The following LONP2 variants were observed in gnomAD, a reference collection of about 807,000 sequenced individuals.
LONP2 encodes lon protease homolog 2, peroxisomal.
In LONP2, 60 loss-of-function variants were observed where a neutral mutation model predicts 85.6. That is an observed-to-expected ratio of 0.70 (90% CI 0.57 to 0.87). The LOEUF (loss-of-function observed/expected upper bound fraction) is 0.87. Among genes scored for constraint, LONP2 ranks in the 40% least tolerant of loss-of-function variants. The probability of loss-of-function intolerance (pLI) is 0.00; values close to 1 mark genes in which losing one functional copy is unlikely to be tolerated. For synonymous variants in LONP2, 395 were observed against 389.7 expected, an observed-to-expected ratio of 1.01 and a Z score of -0.16; for missense variants, 860 against 1,063.5, an observed-to-expected ratio of 0.81 and a Z score of 2.66.
intron 11 of LONP2, among the ~76,000 whole-genome samples, chr16:48,329,516 T>TTGTTG (rs1959368630): frequency 6.6e-6 from 1 of 152,216 alleles, no homozygotes; most frequent in South Asian, 2.1e-4. Flanking sequence ...TGGGTTTATT[T>TTGTTG]TATTAGTATT....
Position 48,340,969 on chromosome 16 carries a change from T to A in LONP2, c.1939-6538T>A, listed in dbSNP as rs140953082. 3.4e-3 allele frequency among the ~76,000 whole-genome samples: 515 copies of A among 151,936 alleles called. 2 individuals carry two copies. Among genetic ancestry groups the A allele is most frequent in the African/African-American group, 0.012 (493 of 41,422 alleles). On this transcript the variant is annotated intron_variant, in intron 12 of 14. Coordinates refer to ENST00000285737, the MANE Select transcript of LONP2 (RefSeq NM_031490.5). The stretch of plus-strand genomic sequence containing the variant: ...GGGTAATTTATAAAGAAAAGAGGTT[T>A]AATTGGCTCACGGTTCTGAAGGTTC...
At chr16:48,291,720 G>A (rs1972560306) in intron 8 of LONP2, among the ~76,000 whole-genome samples, 1 of 152,210 alleles carries the variant, frequency 6.6e-6, no homozygotes, top group South Asian at 2.1e-4. Flanking sequence ...GATGAGGTTT[G>A]ATAGCTACAA....
intron 11 of LONP2, among the ~76,000 whole-genome samples, chr16:48,322,733 A>C (rs191411518): frequency 6.6e-6 from 1 of 152,056 alleles, no homozygotes; most frequent in Non-Finnish European, 1.5e-5. Flanking sequence ...AGAATAAAAA[A>C]TTTTTTTTAA....
chr16:48,299,370 A>G (rs901369522), intron 9 of LONP2, among the ~76,000 whole-genome samples: 2 of 151,868 alleles, frequency 1.3e-5, no homozygotes, highest in African/African-American at 4.8e-5. Flanking sequence ...GGATCACTTG[A>G]GGCCAGGAGT....
chr16:48,338,366 G>T (rs974187038), intron 12 of LONP2, among the ~76,000 whole-genome samples: 2 of 152,166 alleles, frequency 1.3e-5, no homozygotes, highest in Non-Finnish European at 2.9e-5. Context: ...AACAAACAGG[G>T]TGGTACTGAG....
In LONP2 at chr16:48,266,803, A is replaced by G. The variant is rs1294889229; in HGVS notation, c.983-3213A>G. Among the ~76,000 whole-genome samples, 4 of 152,140 alleles carry G rather than the reference A, an allele frequency of 2.6e-5. No individual in the cohort carries two copies. The East Asian group carries it at 7.7e-4, about 29-fold the overall frequency. On this transcript the variant is annotated intron_variant, in intron 6 of 14. Coordinates refer to ENST00000285737, the MANE Select transcript of LONP2 (RefSeq NM_031490.5). ...TTTCAGTTTTTTGGCTATTAAAAAT[A>G]AAGCTGTCTGGGCACAGTGGCTCAT...
At chr16:48,258,065 C>T (rs535392835) in intron 3 of LONP2, among the ~76,000 whole-genome samples, 4 of 152,290 alleles carry the variant, frequency 2.6e-5, no homozygotes, top group South Asian at 4.1e-4. Flanking sequence ...CACACAGCTT[C>T]GGCCGGGCGC....
intron 12 of LONP2, among the ~76,000 whole-genome samples, chr16:48,343,562 G>A (rs1037662938): frequency 6.6e-5 from 10 of 152,088 alleles, no homozygotes; most frequent in African/African-American, 2.4e-4. Flanking sequence ...GCCGGGCATG[G>A]TGACGCACAC....
Position 48,356,719 on chromosome 16 carries a change from T to C in LONP2, c.*4917T>C. 1 of 348,468 alleles carries C rather than the reference T, an allele frequency of 2.9e-6. No individual in the cohort carries two copies. Among genetic ancestry groups the C allele is most frequent in the South Asian group, 2.2e-5 (1 of 44,892 alleles). 21.6% of individuals were successfully genotyped at this position (348,468 alleles called of 1,614,324 possible). ...GACAACAGGCAAATATGGTGAGTGG[T>C]CATTGAGATGTTTTAAAAGTTACAG... On this transcript the variant is annotated 3_prime_UTR_variant, in exon 15 of 15. Coordinates refer to ENST00000285737, the MANE Select transcript of LONP2 (RefSeq NM_031490.5).
intron 11 of LONP2, among the ~76,000 whole-genome samples, chr16:48,330,542 G>C (rs887212325): frequency 1.3e-5 from 2 of 152,146 alleles, no homozygotes; most frequent in Non-Finnish European, 2.9e-5. Flanking sequence ...ATATAACCGG[G>C]GGTTCGTTCC....
At chr16:48,310,551 C>T (rs1420402620) in intron 11 of LONP2, among the ~76,000 whole-genome samples, 2 of 152,044 alleles carry the variant, frequency 1.3e-5, no homozygotes, top group Non-Finnish European at 2.9e-5. Context: ...GGGATTTTGT[C>T]ACGTTGGCCA....
intron 1 of LONP2, among the ~76,000 whole-genome samples, chr16:48,245,931 G>T (rs1971356314): frequency 6.6e-6 from 1 of 152,092 alleles, no homozygotes; most frequent in African/African-American, 2.4e-5. Flanking sequence ...TGTGTTTTCA[G>T]TTTAGAGCTT....
intron 1 of LONP2, among the ~76,000 whole-genome samples, chr16:48,245,375 T>G (rs763441391): frequency 5.3e-5 from 8 of 152,194 alleles, no homozygotes; most frequent in Non-Finnish European, 1.0e-4. Flanking sequence ...AACCTCTATT[T>G]CTTTTATTCT....
Position 48,351,666 on chromosome 16 carries a change from T to C in LONP2, c.2423T>C (p.Leu808Pro). ...VIIPRRNEKD[L>P]EGIPGNVRQD... The stretch of plus-strand genomic sequence containing the variant: ...ATTCCTCGGAGAAATGAAAAAGACC[T>C]TGAGGGAATCCCAGGCAACGTACGA... Residue 808 changes from leucine to proline, a missense_variant, in exon 15 of 15, where the codon CTT (leucine) becomes CCT (proline). Physicochemically the swap from Leu to Pro is moderately conservative, Grantham distance 98 (BLOSUM62 -3). Around this residue, in one of 3 missense-constraint regions of LONP2, gnomAD observed 115 missense variants for 129.0 expected, o/e 0.89. Coordinates refer to ENST00000285737, the MANE Select transcript of LONP2 (RefSeq NM_031490.5). 6.2e-7 allele frequency: 1 copy of C among 1,614,134 alleles called. No individual in the cohort carries two copies. The highest frequency in any genetic ancestry group is 8.5e-7 in the Non-Finnish European group (1 of 1,179,998).
At chr16:48,275,305 G>A (rs1317459384) in intron 7 of LONP2, among the ~76,000 whole-genome samples, 1 of 152,154 alleles carries the variant, frequency 6.6e-6, no homozygotes, top group Admixed American at 6.5e-5. Context: ...TCAGAGGCTT[G>A]TACTGTGTTA....
intron 8 of LONP2, among the ~76,000 whole-genome samples, chr16:48,281,937 G>A (rs1972336647): frequency 6.6e-6 from 1 of 152,050 alleles, no homozygotes; most frequent in East Asian, 1.9e-4. Context: ...ATGCTCTTAA[G>A]GATAAAAAGC....
intron 6 of LONP2, among the ~76,000 whole-genome samples, chr16:48,265,936 A>G (rs1190887762): frequency 6.6e-6 from 1 of 152,132 alleles, no homozygotes; most frequent in Non-Finnish European, 1.5e-5. Context: ...CTCCTTGGTT[A>G]AGTTTGTACT....
At chr16:48,336,839 G>T (rs1454681210) in intron 12 of LONP2, among the ~76,000 whole-genome samples, 1 of 152,124 alleles carries the variant, frequency 6.6e-6, no homozygotes, top group Non-Finnish European at 1.5e-5. Context: ...CTTAGCTTGG[G>T]CTCAGAGGCC....
At chr16:48,301,985 C>A (rs537473187) in intron 10 of LONP2, among the ~76,000 whole-genome samples, 1 of 152,314 alleles carries the variant, frequency 6.6e-6, no homozygotes, top group South Asian at 2.1e-4. Flanking sequence ...TAAAATTAAA[C>A]ACCCAGAATT....
Sources: gnomAD v4.1 joint callset for allele counts (sites outside exome capture counted in the v4.1 genomes callset) on GRCh38, gnomAD v4.1.1 for gene constraint, gnomAD v4.1.1 regional missense constraint, MANE v1.5 for transcripts, NCBI Gene and HGNC (gene_info 2026-07-23, HGNC 2026-07-21) for gene names.